RDH13: variants seen among roughly 807,000 people sequenced by gnomAD.
RDH13 encodes retinol dehydrogenase 13.
RDH13 carries 35 observed loss-of-function variants against 28.3 expected under a neutral mutation model. The ratio of observed to expected loss-of-function variants is 1.24; its 90% CI spans 0.95 to 1.64. RDH13 has a LOEUF of 1.64. RDH13 is among the 40% of genes most tolerant of loss of function. The pLI is 0.00. For missense variants in RDH13, 514 were observed against 446.3 expected (o/e 1.15, Z -1.37); for synonymous variants, 229 against 198.5 (o/e 1.15, Z -1.29).
rs1253300840 is a variant in RDH13, at chr19:55,044,789, G to C, written c.*285C>G. The C allele has an allele frequency of 2.2e-6, 1 of 446,906 alleles. No homozygotes were observed. The highest frequency in any genetic ancestry group is 3.9e-6 in the Non-Finnish European group (1 of 254,662). The allele number at this position is 446,906 out of a possible 1,614,324, so 27.7% of individuals were successfully genotyped here. A position where few individuals can be genotyped will look rare whatever the true frequency, so the allele number is the denominator to read the frequency against. On this transcript the variant is annotated 3_prime_UTR_variant, in exon 7 of 7. Coordinates refer to ENST00000415061, the MANE Select transcript of RDH13 (RefSeq NM_001145971.2). ...CTGACGTGGCCTGCAAGTGCACGGAGCCCCTTCCTCCTCGGCCATTCCCAG... is the reference window on the plus strand; with the variant it reads ...CTGACGTGGCCTGCAAGTGCACGGACCCCCTTCCTCCTCGGCCATTCCCAG...
downstream of RDH13, chr19:55,042,689 TTACA>T (rs1432553914): frequency 6.6e-6 from 1 of 152,162 alleles, no homozygotes; most frequent in African/African-American, 2.4e-5. Context: ...CTCCTGGTAT[TTACA>T]CCCTGGAGTG....
chr19:55,064,699 G>A (rs755458275), upstream of RDH13, among the ~76,000 whole-genome samples: 6 of 150,826 alleles, frequency 4.0e-5, no homozygotes, highest in South Asian at 8.5e-4. Flanking sequence ...TGCAACCTCT[G>A]CCTCCTAGGT....
chr19:55,047,930 C>T, intron 5 of RDH13: 2 of 666,420 alleles, frequency 3.0e-6, no homozygotes, highest in East Asian at 4.0e-5. Flanking sequence ...ACATTGAGAG[C>T]ATCTGGGCCT....
downstream of RDH13, among the ~76,000 whole-genome samples, chr19:55,043,920 C>CTTTT (rs1555812976): frequency 1.1e-3 from 153 of 135,280 alleles, 2 homozygotes; most frequent in African/African-American, 3.3e-3. Flanking sequence ...AAAGTCGGAA[C>CTTTT]TTTTTTTTTT....
chr19:55,050,457 T>C (rs1263068948), intron 3 of RDH13, among the ~76,000 whole-genome samples: 1 of 152,040 alleles, frequency 6.6e-6, no homozygotes, highest in East Asian at 1.9e-4. Flanking sequence ...AGGGTCTCCC[T>C]CTGACACCTG....
chr19:55,057,738 A>AT (rs1444505355), intron 2 of RDH13, among the ~76,000 whole-genome samples: 3 of 151,386 alleles, frequency 2.0e-5, no homozygotes, highest in Admixed American at 6.6e-5. Flanking sequence ...CCAGCCTCCA[A>AT]TTTTTTTTGT....
At chr19:55,048,245 G>T (rs766931628) in intron 5 of RDH13, 84 bp downstream of exon 5, 2 of 1,585,138 alleles carry the variant, frequency 1.3e-6, no homozygotes, top group Non-Finnish European at 1.7e-6. Flanking sequence ...CCACCGTTTG[G>T]CCTCCCATCA....
chr19:55,057,365 G>A (rs570928813), intron 2 of RDH13, among the ~76,000 whole-genome samples: 48 of 151,864 alleles, frequency 3.2e-4, no homozygotes, highest in African/African-American at 9.7e-4. Context: ...TGAATTGGTC[G>A]GGCACGGTGG....
At chr19:55,056,031 G>C (rs904005804) in intron 3 of RDH13, among the ~76,000 whole-genome samples, 3 of 152,052 alleles carry the variant, frequency 2.0e-5, no homozygotes, top group African/African-American at 7.2e-5. Context: ...GCGGGTGCCT[G>C]TAATCCCAGC....
At chr19:55,045,735 C>T (rs1246686507) in intron 6 of RDH13, among the ~76,000 whole-genome samples, 2 of 151,800 alleles carry the variant, frequency 1.3e-5, no homozygotes, top group East Asian at 1.9e-4. Context: ...TACCTGGGGT[C>T]GGGAGTTCCA....
chr19:55,048,921 G>A (rs2075335617), intron 3 of RDH13, among the ~76,000 whole-genome samples, 158 bp from the exon 4 acceptor site: 1 of 152,304 alleles, frequency 6.6e-6, no homozygotes, highest in East Asian at 1.9e-4. Flanking sequence ...CGGTCATTAG[G>A]GTGAGCCCTA....
downstream of RDH13, chr19:55,042,374 G>A (rs2075058692): frequency 6.6e-6 from 1 of 152,194 alleles, no homozygotes; most frequent in African/African-American, 2.4e-5. Context: ...TTACAGCCAG[G>A]AGCGGTGCCC....
intron 3 of RDH13, among the ~76,000 whole-genome samples, chr19:55,048,976 G>C (rs1294474600): frequency 1.3e-5 from 2 of 152,148 alleles, no homozygotes; most frequent in Non-Finnish European, 2.9e-5. Flanking sequence ...CAGAGACAGA[G>C]ACACATGGGG....
At chr19:55,054,370 C>T (rs746523704) in intron 3 of RDH13, among the ~76,000 whole-genome samples, 2 of 151,872 alleles carry the variant, frequency 1.3e-5, no homozygotes, top group African/African-American at 4.8e-5. Flanking sequence ...CTGAGGCAGG[C>T]GGATCACAAG....
At chr19:55,059,501 A>G (rs1401116073) in intron 1 of RDH13, among the ~76,000 whole-genome samples, 1 of 151,166 alleles carries the variant, frequency 6.6e-6, no homozygotes, top group Non-Finnish European at 1.5e-5. Flanking sequence ...ATTATTTTAT[A>G]AATGCTCACT....
At position 55,045,186 on chromosome 19, in the gene RDH13, G is replaced by A. The variant is rs937300365; in HGVS notation, c.884C>T (p.Ala295Val). ...CTCATCCTCAGCCTCGGGGGCCGGG[G>A]CCTTCTGTTTGAGTCCATCGAAGTA... ...GKYFDGLKQK[A>V]PAPEAEDEEV... is the part of the protein sequence containing the mutation. The change falls in exon 7 of 7, where the codon GCC becomes GTC. Residue 295 changes from alanine to valine, a missense_variant. By Grantham distance (64) the Ala-to-Val change is moderately conservative. Coordinates refer to ENST00000415061, the MANE Select transcript of RDH13 (RefSeq NM_001145971.2). 1.9e-6 allele frequency: 3 copies of A among 1,613,670 alleles called. No homozygotes were observed. The highest frequency in any genetic ancestry group is 1.7e-6 in the Non-Finnish European group (2 of 1,180,034).
chr19:55,055,801 C>T (rs527522601), intron 3 of RDH13, among the ~76,000 whole-genome samples: 1 of 150,900 alleles, frequency 6.6e-6, no homozygotes, highest in African/African-American at 2.5e-5. Flanking sequence ...TGCAGTGAGC[C>T]ATGACTGCAC....
At chr19:55,057,600 TTTA>T (rs2075679710) in intron 2 of RDH13, among the ~76,000 whole-genome samples, 1 of 151,676 alleles carries the variant, frequency 6.6e-6, no homozygotes, top group Non-Finnish European at 1.5e-5. Flanking sequence ...TAGCTAATTT[TTTA>T]TTTTTTTATT....
chr19:55,045,352 G>A (rs1309166592), intron 6 of RDH13, 43 bp from the exon 7 acceptor site: 12 of 1,497,854 alleles, frequency 8.0e-6, no homozygotes, highest in Non-Finnish European at 8.2e-6. Flanking sequence ...CTCGCTCAGA[G>A]AGAAGGAAGG....
Sources: allele counts gnomAD v4.1 joint callset (sites outside exome capture counted in the v4.1 genomes callset), GRCh38; gene constraint gnomAD v4.1.1; transcripts MANE v1.5; gene names NCBI Gene and HGNC (gene_info 2026-07-23, HGNC 2026-07-21).